Variants in DSCAM observed in about 807,000 individuals in gnomAD.
DSCAM encodes DS cell adhesion molecule, also known as cell adhesion molecule DSCAM.
Under a neutral mutation model 217.7 loss-of-function variants are expected in DSCAM, and 47 were observed. The observed-to-expected ratio is 0.22, with a 90% CI of 0.17 to 0.28. The LOEUF is 0.28. Among genes scored for constraint, DSCAM ranks in the 10% least tolerant of loss-of-function variants. The probability of loss-of-function intolerance (pLI) is 1.00; values close to 1 mark genes in which losing one functional copy is unlikely to be tolerated. For synonymous variants in DSCAM, 1,056 were observed against 1,015.3 expected, an observed-to-expected ratio of 1.04 and a Z score of -0.76; for missense variants, 2,080 against 2,618.3, an observed-to-expected ratio of 0.79 and a Z score of 4.49.
intron 1 of DSCAM, among the ~76,000 whole-genome samples, chr21:40,739,370 T>C (rs1371215622): frequency 1.3e-5 from 2 of 152,188 alleles, no homozygotes; most frequent in African/African-American, 2.4e-5. Context: ...AACTTTCTTG[T>C]TGCTGGGGCT....
chr21:40,163,086 C>A (rs1056146477), intron 16 of DSCAM, among the ~76,000 whole-genome samples: 32 of 147,094 alleles, frequency 2.2e-4, no homozygotes, highest in African/African-American at 7.8e-4. Flanking sequence ...CACACACACA[C>A]ACACACACAC....
chr21:40,237,049 A>G (rs1201281652), intron 11 of DSCAM, among the ~76,000 whole-genome samples: 1 of 152,206 alleles, frequency 6.6e-6, no homozygotes. Context: ...GGTTTGCTGA[A>G]CAAACACTGC....
At chr21:40,594,858 G>A (rs2077009575) in intron 3 of DSCAM, among the ~76,000 whole-genome samples, 1 of 152,152 alleles carries the variant, frequency 6.6e-6, no homozygotes, top group South Asian at 2.1e-4. Context: ...TTTGTAGAGG[G>A]AACCCCATAT....
At chr21:40,399,296 CA>C (rs753727221) in intron 3 of DSCAM, among the ~76,000 whole-genome samples, 2 of 151,934 alleles carry the variant, frequency 1.3e-5, no homozygotes, top group South Asian at 2.1e-4. Context: ...CAAAACAAAA[CA>C]AAACAAAACA....
chr21:40,490,737 C>T (rs575187990), intron 3 of DSCAM, among the ~76,000 whole-genome samples: 10 of 152,318 alleles, frequency 6.6e-5, no homozygotes, highest in Admixed American at 4.6e-4. Flanking sequence ...TCCCCACATT[C>T]TCTCCCACTG....
At chr21:40,585,273 G>A (rs531876663) in intron 3 of DSCAM, among the ~76,000 whole-genome samples, 1 of 151,808 alleles carries the variant, frequency 6.6e-6, no homozygotes, top group South Asian at 2.1e-4. Context: ...TTGGAGAGAT[G>A]GGAAATATTG....
intron 1 of DSCAM, among the ~76,000 whole-genome samples, chr21:40,759,957 A>ACATT (rs1404847592): frequency 3.8e-4 from 54 of 141,216 alleles, no homozygotes; most frequent in African/African-American, 1.3e-3. Flanking sequence ...GGATACGTTT[A>ACATT]CATTTATTTA....
chr21:40,794,863 C>T (rs1284456586), intron 1 of DSCAM, among the ~76,000 whole-genome samples: 1 of 144,186 alleles, frequency 6.9e-6, no homozygotes, highest in Admixed American at 7.2e-5. Context: ...GACTGATAAT[C>T]TTCAGGCCTG....
intron 1 of DSCAM, among the ~76,000 whole-genome samples, chr21:40,829,740 A>G (rs753259989): frequency 6.6e-6 from 1 of 152,194 alleles, no homozygotes; most frequent in South Asian, 2.1e-4. Context: ...AGAAATGGAT[A>G]TGAAAAGATG....
chr21:40,779,594 A>G (rs538177101), intron 1 of DSCAM, among the ~76,000 whole-genome samples: 10 of 152,378 alleles, frequency 6.6e-5, no homozygotes, highest in Admixed American at 2.6e-4. Context: ...TGAGGAAGAC[A>G]AATGGTATAA....
intron 1 of DSCAM, among the ~76,000 whole-genome samples, chr21:40,716,226 C>T (rs1336564748): frequency 6.6e-6 from 1 of 152,068 alleles, no homozygotes; most frequent in Non-Finnish European, 1.5e-5. Context: ...CAAAAGAAAA[C>T]CCAAACTATA....
At chr21:40,243,583 G>C (rs903316971) in intron 11 of DSCAM, among the ~76,000 whole-genome samples, 1 of 152,134 alleles carries the variant, frequency 6.6e-6, no homozygotes, top group Non-Finnish European at 1.5e-5. Context: ...TTTTTTCTGA[G>C]TGTGGGGCCC....
chr21:40,434,070 C>T (rs915617872), intron 3 of DSCAM, among the ~76,000 whole-genome samples: 2 of 152,198 alleles, frequency 1.3e-5, no homozygotes, highest in African/African-American at 2.4e-5. Context: ...TTCATTCTGG[C>T]CCTCGCATGG....
intron 3 of DSCAM, among the ~76,000 whole-genome samples, chr21:40,398,053 G>C (rs1028173544): frequency 1.3e-5 from 2 of 152,260 alleles, no homozygotes; most frequent in South Asian, 4.1e-4. Flanking sequence ...AGTTTAGGAG[G>C]CTGTGCTGCA....
chr21:40,541,920 G>A (rs2076545712), intron 3 of DSCAM, among the ~76,000 whole-genome samples: 1 of 152,110 alleles, frequency 6.6e-6, no homozygotes, highest in South Asian at 2.1e-4. Context: ...AAAACAAAAG[G>A]CATTATTTTG....
rs541535157 is a variant in DSCAM, at chr21:40,650,497, T to C, written c.508+42313A>G. On this transcript the variant is annotated intron_variant, in intron 3 of 32. Coordinates refer to ENST00000400454, the MANE Select transcript of DSCAM (RefSeq NM_001389.5). Reference sequence around the variant, plus strand: ...GAATCAGTGAACTGAGTAAAGAAGATTGTCTTCAGCCACGTGGGCTGGCGT... The same window carrying C: ...GAATCAGTGAACTGAGTAAAGAAGACTGTCTTCAGCCACGTGGGCTGGCGT... Among the ~76,000 whole-genome samples the C allele has an allele frequency of 3.3e-5, 5 of 152,374 alleles. No individual in the cohort carries two copies. In the South Asian group the frequency reaches 6.2e-4, roughly 19 times the overall value.
intron 21 of DSCAM, among the ~76,000 whole-genome samples, chr21:40,091,041 C>A (rs1315647419): frequency 6.6e-6 from 1 of 152,124 alleles, no homozygotes; most frequent in Non-Finnish European, 1.5e-5. Context: ...GACAGAGAGA[C>A]CAGGTGGTCT....
At chr21:40,671,812 TAAG>T (rs1339311479) in intron 3 of DSCAM, among the ~76,000 whole-genome samples, 3 of 151,772 alleles carry the variant, frequency 2.0e-5, no homozygotes, top group African/African-American at 4.8e-5. Flanking sequence ...CCATTGGAAG[TAAG>T]AAGAATATAA....
intron 10 of DSCAM, among the ~76,000 whole-genome samples, chr21:40,280,903 G>A (rs1436449782): frequency 6.6e-6 from 1 of 152,148 alleles, no homozygotes; most frequent in African/African-American, 2.4e-5. Context: ...AGGCTCCCAT[G>A]GGAAGGAACT....
Sources: allele counts gnomAD v4.1 joint callset (sites outside exome capture counted in the v4.1 genomes callset), GRCh38; gene constraint gnomAD v4.1.1; transcripts MANE v1.5; gene names NCBI Gene and HGNC (gene_info 2026-07-23, HGNC 2026-07-21).